RGS6: variants seen among roughly 807,000 people sequenced by gnomAD.
The protein encoded by RGS6 is regulator of G-protein signaling 6.
Under a neutral mutation model 78.5 loss-of-function variants are expected in RGS6, and 30 were observed. That is an observed-to-expected ratio of 0.38 (90% CI 0.29 to 0.52). The LOEUF is 0.52. Among genes scored for constraint, RGS6 ranks in the 20% least tolerant of loss-of-function variants. RGS6 has a pLI of 0.85. For synonymous variants in RGS6, 206 were observed against 206.0 expected (o/e 1.00, Z 0.00); for missense variants, 495 against 609.7 (o/e 0.81, Z 1.98).
intron 17 of RGS6, chr14:72,547,395 T>TC: frequency 1.6e-6 from 2 of 1,263,658 alleles, no homozygotes; most frequent in Non-Finnish European, 2.1e-6. Context: ...CCCATGGAAG[T>TC]CCCCCCAAAA....
At chr14:72,182,134 G>A (rs1239016262) in intron 2 of RGS6, among the ~76,000 whole-genome samples, 1 of 152,142 alleles carries the variant, frequency 6.6e-6, no homozygotes, top group Admixed American at 6.5e-5. Context: ...CTTAGGCCAG[G>A]CGCAGTGGCT....
At chr14:72,611,521 C>A in the RGS6 span, among the ~76,000 whole-genome samples, 100 of 152,310 alleles carry the variant, frequency 6.6e-4, no homozygotes, top group African/African-American at 2.2e-3. Context: ...CCCACCCCCC[C>A]AGTCCCGCTC....
chr14:72,594,385 T>G, the RGS6 span: 2 of 152,214 alleles, frequency 1.3e-5, no homozygotes, highest in African/African-American at 2.4e-5. Context: ...ATAAAAAGCC[T>G]AGGTTAAAGT....
At chr14:72,078,017 T>G (rs1288582754) in intron 2 of RGS6, among the ~76,000 whole-genome samples, 1 of 151,768 alleles carries the variant, frequency 6.6e-6, no homozygotes, top group African/African-American at 2.4e-5. Context: ...AATGTCTTAG[T>G]GGTATGGTTT....
intron 2 of RGS6, among the ~76,000 whole-genome samples, chr14:72,236,672 G>C (rs1045277556): frequency 6.6e-6 from 1 of 151,186 alleles, no homozygotes; most frequent in Non-Finnish European, 1.5e-5. Flanking sequence ...CATCCCAGAC[G>C]GTGGAGGGGC....
At chr14:72,613,999 A>C in the RGS6 span, among the ~76,000 whole-genome samples, 1 of 150,838 alleles carries the variant, frequency 6.6e-6, no homozygotes, top group Admixed American at 6.6e-5. Flanking sequence ...TCAGCTGTCC[A>C]CTCACAGACC....
At chr14:72,350,298 CAG>C (rs897182459) in intron 2 of RGS6, among the ~76,000 whole-genome samples, 1 of 152,118 alleles carries the variant, frequency 6.6e-6, no homozygotes, top group African/African-American at 2.4e-5. Context: ...CAGAATGGCT[CAG>C]GGGTTAGATG....
At chr14:72,050,902 A>G (rs907715207) in intron 2 of RGS6, among the ~76,000 whole-genome samples, 105 of 152,146 alleles carry the variant, frequency 6.9e-4, no homozygotes, top group Non-Finnish European at 5.1e-4. Flanking sequence ...CAATCCCCCA[A>G]GTGAGTATAC....
chr14:72,331,898 G>C (rs2075129513), intron 2 of RGS6, among the ~76,000 whole-genome samples: 1 of 152,194 alleles, frequency 6.6e-6, no homozygotes, highest in African/African-American at 2.4e-5. Flanking sequence ...AGAGAAAAAA[G>C]CTGTATACAA....
intron 14 of RGS6, among the ~76,000 whole-genome samples, chr14:72,517,079 T>A (rs867358872): frequency 6.6e-6 from 1 of 150,982 alleles, no homozygotes; most frequent in Non-Finnish European, 1.5e-5. Context: ...CTTTGGGCCA[T>A]GCACTTGGCT....
At chr14:71,896,410 A>G in the RGS6 span, among the ~76,000 whole-genome samples, 5 of 152,142 alleles carry the variant, frequency 3.3e-5, no homozygotes, top group Admixed American at 3.3e-4. Context: ...GTAATCTGTC[A>G]TGGCGCTGGT....
chr14:71,967,776 C>T (rs2093608563), intron 2 of RGS6, among the ~76,000 whole-genome samples: 1 of 152,066 alleles, frequency 6.6e-6, no homozygotes, highest in Admixed American at 6.6e-5. Context: ...TTTGGGTAAA[C>T]TTTCGAGTAA....
At chr14:72,090,509 C>T (rs2095232227) in intron 2 of RGS6, among the ~76,000 whole-genome samples, 1 of 152,196 alleles carries the variant, frequency 6.6e-6, no homozygotes, top group Non-Finnish European at 1.5e-5. Flanking sequence ...CCCTGTCTCC[C>T]ATCACCCCCA....
At chr14:72,383,466 T>C (rs773897231) in intron 3 of RGS6, among the ~76,000 whole-genome samples, 2 of 152,014 alleles carry the variant, frequency 1.3e-5, no homozygotes, top group Non-Finnish European at 2.9e-5. Context: ...TTGGGTGTTG[T>C]GTGTCTCACC....
chr14:72,501,942 G>A (rs1329543835), intron 13 of RGS6, among the ~76,000 whole-genome samples: 5 of 152,280 alleles, frequency 3.3e-5, no homozygotes, highest in East Asian at 1.9e-4. Context: ...CTATTAATCC[G>A]GAATATTAGT....
At chr14:72,629,339 T>C in the RGS6 span, among the ~76,000 whole-genome samples, 1 of 152,342 alleles carries the variant, frequency 6.6e-6, no homozygotes, top group East Asian at 1.9e-4. Context: ...TTGCCCATAA[T>C]AAAAAATGTT....
chr14:72,075,645 G>A (rs2094547835), intron 2 of RGS6, among the ~76,000 whole-genome samples: 2 of 152,064 alleles, frequency 1.3e-5, no homozygotes, highest in South Asian at 2.1e-4. Context: ...TTAACATCTT[G>A]TTATTTACTT....
chr14:72,392,882 A>G (rs1341254788), intron 3 of RGS6, among the ~76,000 whole-genome samples: 4 of 152,164 alleles, frequency 2.6e-5, no homozygotes, highest in African/African-American at 9.7e-5. Context: ...ACCGGGAAAA[A>G]CTGAGATTTC....
intron 2 of RGS6, among the ~76,000 whole-genome samples, chr14:72,221,796 A>G (rs994824340): frequency 6.6e-6 from 1 of 152,118 alleles, no homozygotes; most frequent in Non-Finnish European, 1.5e-5. Flanking sequence ...ACTTTATTCA[A>G]TTAGTTTGGC....
Sources: gnomAD v4.1 joint callset for allele counts (sites outside exome capture counted in the v4.1 genomes callset) on GRCh38, gnomAD v4.1.1 for gene constraint, MANE v1.5 for transcripts, NCBI Gene and HGNC (gene_info 2026-07-23, HGNC 2026-07-21) for gene names.